The following IRAK4 variants were observed in gnomAD, a reference collection of about 807,000 sequenced individuals.
IRAK4 encodes interleukin-1 receptor-associated kinase 4.
Under a neutral mutation model 51.8 loss-of-function variants are expected in IRAK4, and 44 were observed. That is an observed-to-expected ratio of 0.85 (90% CI 0.67 to 1.09). IRAK4 has a LOEUF of 1.09. Ranked by LOEUF, IRAK4 falls within the 50% of genes least tolerant of loss-of-function variation. The pLI is 0.00. For missense variants in IRAK4, 487 were observed against 538.0 expected, an observed-to-expected ratio of 0.91 and a Z score of 0.94; for synonymous variants, 149 against 174.1, an observed-to-expected ratio of 0.86 and a Z score of 1.13.
chr12:43,774,752 G>A (rs1387932945), intron 6 of IRAK4, among the ~76,000 whole-genome samples: 2 of 152,224 alleles, frequency 1.3e-5, no homozygotes, highest in African/African-American at 4.8e-5. Flanking sequence ...AGAAGGCATT[G>A]ATCCTGTGTG....
intron 1 of IRAK4, among the ~76,000 whole-genome samples, chr12:43,762,152 G>C (rs1939628509): frequency 6.6e-6 from 1 of 152,144 alleles, no homozygotes; most frequent in South Asian, 2.1e-4. Context: ...TTTGGCTTAT[G>C]TTCTTGTAAG....
In IRAK4 at chr12:43,773,035, T is replaced by C; in HGVS notation, c.614T>C (p.Val205Ala). The change falls in exon 5 of 12, where the codon GTA (valine) becomes GCA (alanine). Residue 205 changes from valine to alanine, a missense_variant. Val to Ala is a moderately conservative substitution (Grantham distance 64). Transcript: ENST00000613694. ...GGFGVVYKGYVNNTTVAVKKL... is the reference protein window; with the variant it reads ...GGFGVVYKGYANNTTVAVKKL... ...TTTGGAGTTGTATATAAAGGCTACGTAAATAACACAACTGTGGCAGTGAAG... is the reference window on the plus strand; with the variant it reads ...TTTGGAGTTGTATATAAAGGCTACGCAAATAACACAACTGTGGCAGTGAAG... 1 of 1,613,308 alleles carries C rather than the reference T, an allele frequency of 6.2e-7. No homozygotes were observed. The highest frequency in any genetic ancestry group is 8.5e-7 in the Non-Finnish European group (1 of 1,179,454).
chr12:43,775,628 G>T (rs778318905), intron 6 of IRAK4, among the ~76,000 whole-genome samples: 1 of 152,076 alleles, frequency 6.6e-6, no homozygotes, highest in Non-Finnish European at 1.5e-5. Context: ...AGCTAGGTTT[G>T]TTTCTAATTT....
At chr12:43,781,837 A>T (rs112259371) in intron 8 of IRAK4, among the ~76,000 whole-genome samples, 17 of 152,358 alleles carry the variant, frequency 1.1e-4, no homozygotes, top group African/African-American at 2.2e-4. Flanking sequence ...TTCAAAAGCC[A>T]GATAGTACAG....
Position 43,782,500 on chromosome 12 carries a change from G to A in IRAK4, c.1125+10G>A, listed in dbSNP as rs199616509. The A allele has an allele frequency of 4.7e-5, 75 of 1,592,062 alleles. No individual in the cohort carries two copies. Among genetic ancestry groups the A allele is most frequent in the African/African-American group, 9.4e-5 (7 of 74,552 alleles). ...TTACAGCTTTGGTGTGGTAAGTTCC[G>A]TATACATAATTATTAAAAATAATCA... On this transcript the variant is annotated intron_variant, in intron 9 of 11. Transcript: ENST00000613694.
chr12:43,775,129 C>T (rs1941149080), intron 6 of IRAK4, among the ~76,000 whole-genome samples: 1 of 152,120 alleles, frequency 6.6e-6, no homozygotes, highest in South Asian at 2.1e-4. Flanking sequence ...ATCATAGTTA[C>T]CTAACCTCAA....
chr12:43,771,383 A>C lies in IRAK4; in HGVS notation c.307+18A>C, dbSNP rs118097313. 1 of 1,613,598 alleles carries C rather than the reference A, an allele frequency of 6.2e-7. No individual in the cohort carries two copies. The highest frequency in any genetic ancestry group is 8.5e-7 in the Non-Finnish European group (1 of 1,179,516). On this transcript the variant is annotated intron_variant, in intron 3 of 11. Transcript: ENST00000613694. The stretch of plus-strand genomic sequence containing the variant: ...GCTCCCAGGTAAACTGATTGTGACC[A>C]GGGTGTCCACAATTAGGGTGGAAAG...
chr12:43,780,856 C>T (rs1941720452), intron 8 of IRAK4, among the ~76,000 whole-genome samples: 1 of 152,176 alleles, frequency 6.6e-6, no homozygotes. Context: ...CAGGCATTAG[C>T]CACCCGCCTG....
chr12:43,759,511 C>T (rs1939201513), intron 1 of IRAK4: 1 of 152,264 alleles, frequency 6.6e-6, no homozygotes, highest in African/African-American at 2.4e-5. Context: ...CAGATGAGTA[C>T]ATTCGCAGAT....
chr12:43,780,481 C>G (rs950717931), intron 8 of IRAK4, among the ~76,000 whole-genome samples: 11 of 151,902 alleles, frequency 7.2e-5, no homozygotes, highest in Admixed American at 5.9e-4. Context: ...GGAACTGACC[C>G]TAGATGAGAA....
At chr12:43,769,853 C>T (rs1008230584) in intron 2 of IRAK4, among the ~76,000 whole-genome samples, 1 of 152,044 alleles carries the variant, frequency 6.6e-6, no homozygotes, top group Admixed American at 6.6e-5. Context: ...GTATTTCTAC[C>T]AAAATGCTTA....
rs769465559 is a variant in IRAK4 at position 43,782,330 on chromosome 12, C to T, written c.965C>T (p.Ala322Val). The change falls in exon 9 of 12, where the codon GCT (alanine) becomes GTT (valine). Residue 322 changes from alanine to valine, a missense_variant. Physicochemically the swap from Ala to Val is moderately conservative, Grantham distance 64 (BLOSUM62 0). Transcript: ENST00000613694. ...IKSANILLDE[A>V]FTAKISDFGL... ...AGTGCAAATATCTTACTGGATGAAG[C>T]TTTTACTGCTAAAATATCTGACTTT... 1.9e-6 allele frequency: 3 copies of T among 1,613,138 alleles called. No homozygotes were observed. The highest frequency in any genetic ancestry group is 2.2e-5 in the South Asian group (2 of 91,052).
intron 5 of IRAK4, 135 bp downstream of exon 5, chr12:43,773,207 G>T: frequency 2.3e-6 from 2 of 875,274 alleles, no homozygotes; most frequent in Non-Finnish European, 1.7e-6. Flanking sequence ...CTAAATAGTA[G>T]TTCTTAAAAT....
rs4251517 is a variant in IRAK4 at position 43,780,682 on chromosome 12, G to A, written c.942-1625G>A. Among the ~76,000 whole-genome samples, 935 of 151,070 alleles carry A rather than the reference G, an allele frequency of 6.2e-3. 11 individuals carry two copies. Among genetic ancestry groups the A allele is most frequent in the African/African-American group, 0.021 (853 of 41,148 alleles). ...CGCCTCCCGGGTTCAAGAGATTCTC[G>A]AGCCTCAGCCTCCTGAGTAGCTTGG... is the stretch of plus-strand genomic sequence containing the variant. On this transcript the variant is annotated intron_variant, in intron 8 of 11. Transcript: ENST00000613694.
chr12:43,783,510 A>G, intron 9 of IRAK4, 152 bp from the exon 10 acceptor site: 1 of 587,214 alleles, frequency 1.7e-6, no homozygotes, highest in Non-Finnish European at 3.0e-6. Context: ...TTTTGTAGAG[A>G]CAGGGTCTCA....
chr12:43,780,983 G>T (rs4251518), intron 8 of IRAK4, among the ~76,000 whole-genome samples: 69 of 152,104 alleles, frequency 4.5e-4, no homozygotes, highest in African/African-American at 1.6e-3. Context: ...TAGTATCCCC[G>T]TACCAAAAAC....
intron 6 of IRAK4, among the ~76,000 whole-genome samples, chr12:43,775,524 A>T (rs1039489783): frequency 6.6e-6 from 1 of 152,242 alleles, no homozygotes; most frequent in Non-Finnish European, 1.5e-5. Flanking sequence ...ATGTGTGTGT[A>T]GCATTTTCCC....
At position 43,767,306 on chromosome 12, in the gene IRAK4, G is replaced by A. The variant is rs4251455; in HGVS notation, c.-9-797G>A. Among the ~76,000 whole-genome samples, 1,278 of 152,274 alleles carry A rather than the reference G, an allele frequency of 8.4e-3. 18 individuals carry two copies. Among genetic ancestry groups the A allele is most frequent in the African/African-American group, 0.028 (1,156 of 41,534 alleles). On this transcript the variant is annotated intron_variant, in intron 1 of 11. Coordinates refer to ENST00000613694, the MANE Select transcript of IRAK4 (RefSeq NM_016123.4). ...AGAGAAGACAAGTGGAAGGATTAAC[G>A]GCAGTGTTGAAGGCCCTGTGGAAAG...
chr12:43,785,790 A>T (rs1942164148), intron 10 of IRAK4, among the ~76,000 whole-genome samples: 1 of 151,910 alleles, frequency 6.6e-6, no homozygotes, highest in South Asian at 2.1e-4. Context: ...TACCTGGGCT[A>T]TATGGTATTG....
Sources: allele counts gnomAD v4.1 joint callset (sites outside exome capture counted in the v4.1 genomes callset), GRCh38; gene constraint gnomAD v4.1.1; transcripts MANE v1.5; gene names NCBI Gene and HGNC (gene_info 2026-07-23, HGNC 2026-07-21).